Variants in SPATS2L observed in about 807,000 individuals in gnomAD.
SPATS2L encodes spermatogenesis associated serine rich 2 like, also known as SPATS2-like protein.
SPATS2L carries 30 observed loss-of-function variants against 59.6 expected under a neutral mutation model. That is an observed-to-expected ratio of 0.50 (90% confidence interval 0.38 to 0.68). The LOEUF is 0.68. SPATS2L is among the 30% of genes least tolerant of loss of function. The pLI, the probability that SPATS2L is intolerant of heterozygous loss-of-function variation, is 0.00. For missense variants in SPATS2L, 615 were observed against 700.0 expected (o/e 0.88, Z 1.37); for synonymous variants, 252 against 263.5 (o/e 0.96, Z 0.42).
At chr2:200,373,062 T>C (rs2081480465) in intron 2 of SPATS2L, 1 of 152,168 alleles carries the variant, frequency 6.6e-6, no homozygotes, top group Non-Finnish European at 1.5e-5. Flanking sequence ...AAGAAGTGTT[T>C]GTAAAGCAAG....
chr2:200,417,910 C>T (rs1000627650), intron 5 of SPATS2L, among the ~76,000 whole-genome samples: 37 of 152,212 alleles, frequency 2.4e-4, no homozygotes, highest in South Asian at 1.2e-3. Context: ...TCTGATTGGC[C>T]GGGGCTGGTA....
intron 12 of SPATS2L, 94 bp from the exon 13 acceptor site, chr2:200,477,542 T>C: frequency 3.3e-6 from 2 of 611,324 alleles, no homozygotes; most frequent in Non-Finnish European, 4.7e-6. Flanking sequence ...AAAAAAAGCT[T>C]ACCTGTGGCT....
intron 4 of SPATS2L, among the ~76,000 whole-genome samples, chr2:200,414,648 A>G (rs1333226496): frequency 6.6e-6 from 1 of 152,070 alleles, no homozygotes; most frequent in Non-Finnish European, 1.5e-5. Context: ...AAAAAAAACC[A>G]AAACCATAAA....
intron 2 of SPATS2L, among the ~76,000 whole-genome samples, chr2:200,350,756 G>A (rs907988258): frequency 1.3e-5 from 2 of 151,906 alleles, no homozygotes; most frequent in Non-Finnish European, 1.5e-5. Flanking sequence ...GCTGGTCATC[G>A]GCTCCTGACC....
chr2:200,406,892 C>T (rs1360398749), intron 3 of SPATS2L, among the ~76,000 whole-genome samples: 1 of 152,152 alleles, frequency 6.6e-6, no homozygotes, highest in Non-Finnish European at 1.5e-5. Context: ...TAGACTTTCT[C>T]ATTGTACCAG....
chr2:200,424,555 A>C (rs529110587), intron 6 of SPATS2L, among the ~76,000 whole-genome samples: 1 of 152,260 alleles, frequency 6.6e-6, no homozygotes, highest in East Asian at 1.9e-4. Context: ...CTTTTTTCTA[A>C]GACCCTATCT....
chr2:200,430,666 C>T (rs1047420799), intron 6 of SPATS2L, among the ~76,000 whole-genome samples: 2 of 151,266 alleles, frequency 1.3e-5, no homozygotes, highest in Non-Finnish European at 2.9e-5. Context: ...TATGAATGTG[C>T]CATATTTCTT....
intron 6 of SPATS2L, among the ~76,000 whole-genome samples, chr2:200,423,381 C>T (rs1191639135): frequency 6.6e-6 from 1 of 152,192 alleles, no homozygotes; most frequent in African/African-American, 2.4e-5. Flanking sequence ...TGTAGACACT[C>T]TGTACCCCAT....
intron 2 of SPATS2L, among the ~76,000 whole-genome samples, chr2:200,348,882 TAAG>T (rs2080613058): frequency 6.7e-6 from 1 of 148,334 alleles, no homozygotes; most frequent in Non-Finnish European, 1.5e-5. Flanking sequence ...TGAGTTTCAT[TAAG>T]AAAAAAAAAA....
intron 12 of SPATS2L, among the ~76,000 whole-genome samples, chr2:200,475,464 C>T (rs1416640143): frequency 3.3e-5 from 5 of 152,098 alleles, no homozygotes; most frequent in East Asian, 1.9e-4. Flanking sequence ...CAACTGGGAG[C>T]GAGGAGGGGG....
intron 2 of SPATS2L, chr2:200,384,117 T>G (rs2081914036): frequency 3.9e-6 from 2 of 512,556 alleles, no homozygotes; most frequent in Admixed American, 1.3e-4. Flanking sequence ...ATATTAAAAT[T>G]TGTTGAATTA....
chr2:200,467,769 G>A lies in SPATS2L; in HGVS notation c.957+370G>A, dbSNP rs535646174. Among the ~76,000 whole-genome samples the A allele has an allele frequency of 1.1e-3, 165 of 152,274 alleles. No homozygotes were observed. The Middle Eastern group carries it at 0.017, about 16-fold the overall frequency. Reference sequence around the variant, plus strand: ...CATCCACAGGTATATATACACACACGAAGCATGAACGTAGTGTAATGGTGA... The same window carrying A: ...CATCCACAGGTATATATACACACACAAAGCATGAACGTAGTGTAATGGTGA... On this transcript the variant is annotated intron_variant, in intron 10 of 12. Coordinates refer to ENST00000409140, the MANE Select transcript of SPATS2L (RefSeq NM_001100423.2).
intron 8 of SPATS2L, among the ~76,000 whole-genome samples, chr2:200,444,831 C>G (rs2084927745): frequency 6.6e-6 from 1 of 152,080 alleles, no homozygotes; most frequent in African/African-American, 2.4e-5. Flanking sequence ...GGCTAGGGCT[C>G]CTCACCTCAA....
chr2:200,345,694 T>G (rs1181118931), intron 2 of SPATS2L, among the ~76,000 whole-genome samples: 1 of 152,234 alleles, frequency 6.6e-6, no homozygotes, highest in East Asian at 1.9e-4. Context: ...TATTAAGGAC[T>G]CATTGTATCA....
chr2:200,450,980 C>A (rs1232934057), intron 8 of SPATS2L, among the ~76,000 whole-genome samples: 1 of 152,076 alleles, frequency 6.6e-6, no homozygotes, highest in Admixed American at 6.6e-5. Context: ...ACACAAAGAA[C>A]CAGAGGCAAG....
chr2:200,417,128 C>T (rs946437271), intron 5 of SPATS2L, among the ~76,000 whole-genome samples: 3 of 152,200 alleles, frequency 2.0e-5, no homozygotes, highest in Non-Finnish European at 4.4e-5. Flanking sequence ...CTGTTCCACT[C>T]ATTCCTGCTA....
intron 2 of SPATS2L, among the ~76,000 whole-genome samples, chr2:200,335,516 T>G (rs2080114718): frequency 6.6e-6 from 1 of 152,204 alleles, no homozygotes; most frequent in South Asian, 2.1e-4. Flanking sequence ...GCAAAATAAA[T>G]GAATTTTTAA....
At chr2:200,378,686 G>A (rs2081687596) in intron 2 of SPATS2L, among the ~76,000 whole-genome samples, 1 of 152,194 alleles carries the variant, frequency 6.6e-6, no homozygotes, top group African/African-American at 2.4e-5. Flanking sequence ...TTGGAACAGA[G>A]ATTTTTGAAA....
intron 1 of SPATS2L, among the ~76,000 whole-genome samples, chr2:200,319,825 G>C (rs1345144002): frequency 2.0e-5 from 3 of 152,128 alleles, no homozygotes; most frequent in African/African-American, 7.2e-5. Context: ...TTCTTTACTT[G>C]AGCAGTGAAT....
Sources: gnomAD v4.1 joint callset for allele counts (sites outside exome capture counted in the v4.1 genomes callset) on GRCh38, gnomAD v4.1.1 for gene constraint, MANE v1.5 for transcripts, NCBI Gene and HGNC (gene_info 2026-07-23, HGNC 2026-07-21) for gene names.